The following SMG6 variants were observed in gnomAD, a reference collection of about 807,000 sequenced individuals.
SMG6 encodes telomerase-binding protein EST1A.
A neutral mutation model predicts 142.2 loss-of-function variants in SMG6; 66 were observed. That is an observed-to-expected ratio of 0.46 (90% CI 0.38 to 0.57). The LOEUF (loss-of-function observed/expected upper bound fraction) is 0.57. Ranked by LOEUF, SMG6 falls within the 20% of genes least tolerant of loss-of-function variation. The pLI is 0.00. For missense variants in SMG6, 1,793 were observed against 1,832.0 expected (o/e 0.98, Z 0.39); for synonymous variants, 779 against 702.4 (o/e 1.11, Z -1.72).
intron 13 of SMG6, among the ~76,000 whole-genome samples, chr17:2,122,891 G>A (rs2069748293): frequency 6.6e-6 from 1 of 152,226 alleles, no homozygotes; most frequent in East Asian, 1.9e-4. Flanking sequence ...AGCACAGAGG[G>A]GCCCCTTCCT....
chr17:2,062,245 G>A (rs980089915), intron 18 of SMG6: 4 of 152,434 alleles, frequency 2.6e-5, no homozygotes, highest in African/African-American at 9.7e-5. Flanking sequence ...CATGTATACA[G>A]GCGAAAGTCT....
At chr17:2,233,142 C>G (rs2073547395) in intron 10 of SMG6, 1 of 152,288 alleles carries the variant, frequency 6.6e-6, no homozygotes, top group Non-Finnish European at 1.5e-5. Flanking sequence ...AGAAAGGAAT[C>G]TGCTCCCCTG....
intron 8 of SMG6, among the ~76,000 whole-genome samples, chr17:2,245,767 A>C (rs1390938623): frequency 6.6e-6 from 1 of 151,948 alleles, no homozygotes; most frequent in Non-Finnish European, 1.5e-5. Flanking sequence ...TGCAACCTCA[A>C]CCTCCTGGGC....
chr17:2,288,908 T>C (rs2074968758), intron 6 of SMG6, among the ~76,000 whole-genome samples: 1 of 151,224 alleles, frequency 6.6e-6, no homozygotes, highest in Non-Finnish European at 1.5e-5. Flanking sequence ...TGAAACCCCG[T>C]CTCTACTAAA....
chr17:2,096,372 C>T (rs978298701), intron 13 of SMG6, among the ~76,000 whole-genome samples: 1 of 152,210 alleles, frequency 6.6e-6, no homozygotes, highest in Non-Finnish European at 1.5e-5. Flanking sequence ...CCATGCCCGG[C>T]TAATTTTCAT....
Position 2,085,683 on chromosome 17 carries a change from G to A in SMG6, c.3534+42C>T. 1 of 1,573,384 alleles carries A rather than the reference G, an allele frequency of 6.4e-7. No homozygotes were observed. On this transcript the variant is annotated intron_variant, in intron 14 of 18. Coordinates refer to ENST00000263073, the MANE Select transcript of SMG6 (RefSeq NM_017575.5). This position sits in a 1 kb window ranked among gnomAD's most constrained non-coding sequence, Gnocchi z 4.1. ...CTGAAGCCACGAGCAGAATGGGGAG[G>A]GGGCCTTCCCTCTGCCACAGCGGGC...
chr17:2,100,037 CTT>C (rs150310662), intron 13 of SMG6, among the ~76,000 whole-genome samples: 24 of 134,852 alleles, frequency 1.8e-4, no homozygotes, highest in African/African-American at 2.5e-4. Context: ...TAATTTTTAT[CTT>C]TTTTTTTTTT....
chr17:2,163,866 C>A (rs1416497571), intron 13 of SMG6, among the ~76,000 whole-genome samples: 7 of 152,084 alleles, frequency 4.6e-5, no homozygotes, highest in Non-Finnish European at 7.4e-5. Context: ...AGTTCGCGAC[C>A]AGCCTGGGCA....
chr17:2,087,284 C>T (rs1354348260), intron 13 of SMG6: 1 of 1,271,494 alleles, frequency 7.9e-7, no homozygotes, highest in African/African-American at 1.5e-5. Context: ...ATGAAGCAGG[C>T]ATGACCCATG....
intron 13 of SMG6, among the ~76,000 whole-genome samples, chr17:2,129,302 A>G (rs768015700): frequency 9.2e-5 from 14 of 151,968 alleles, no homozygotes; most frequent in Non-Finnish European, 1.6e-4. Context: ...CAGCCTGGGC[A>G]ATGGGAATAA....
At chr17:2,292,508 T>C in intron 6 of SMG6, 44 bp downstream of exon 6, 1 of 1,574,174 alleles carries the variant, frequency 6.4e-7, no homozygotes, top group Non-Finnish European at 8.7e-7. Context: ...TATTGTAAGA[T>C]ACTTCCTGCA....
At chr17:2,279,991 G>A (rs536546753) in intron 8 of SMG6, among the ~76,000 whole-genome samples, 38 of 152,140 alleles carry the variant, frequency 2.5e-4, no homozygotes, top group Non-Finnish European at 2.8e-4. Context: ...CTTACCACAC[G>A]GAACTATAAT....
Position 2,256,776 on chromosome 17 carries a change from A to T in SMG6, c.2662-12057T>A, listed in dbSNP as rs191416279. Among the ~76,000 whole-genome samples the T allele has an allele frequency of 2.5e-3, 247 of 97,644 alleles. 1 individual carries two copies. The East Asian group carries it at 0.051, about 20-fold the overall frequency. 64.1% of individuals were successfully genotyped at this position (97,644 alleles called of 152,430 possible). On this transcript the variant is annotated intron_variant, in intron 8 of 18. Transcript: ENST00000263073. ...GGAGACACAGTGAGACTTAATTTTT[A>T]AAAAAAATAGATAGACAGATTTGAT...
At chr17:2,203,787 C>T (rs182309753) in intron 10 of SMG6, among the ~76,000 whole-genome samples, 1 of 152,268 alleles carries the variant, frequency 6.6e-6, no homozygotes, top group Non-Finnish European at 1.5e-5. Context: ...TGAAACCCAC[C>T]TCTGCTGGCG....
At chr17:2,267,461 G>A (rs941754158) in intron 8 of SMG6, among the ~76,000 whole-genome samples, 1 of 151,808 alleles carries the variant, frequency 6.6e-6, no homozygotes, top group Non-Finnish European at 1.5e-5. Context: ...GCCTCCCAAT[G>A]TGCCGGGATT....
intron 13 of SMG6, among the ~76,000 whole-genome samples, chr17:2,167,068 G>GGT (rs1414702821): frequency 6.9e-6 from 1 of 145,262 alleles, no homozygotes; most frequent in Non-Finnish European, 1.5e-5. Context: ...AGGCAGAGGG[G>GGT]GTGCAGTGAG....
chr17:2,244,827 G>T, intron 8 of SMG6, 108 bp from the exon 9 acceptor site: 1 of 901,544 alleles, frequency 1.1e-6, no homozygotes, highest in Admixed American at 2.0e-5. Context: ...TAAGGGGTGG[G>T]CACTAGGGAT....
intron 6 of SMG6, 94 bp downstream of exon 6, chr17:2,292,458 G>A (rs755257779): frequency 9.8e-6 from 12 of 1,228,204 alleles, no homozygotes; most frequent in Non-Finnish European, 1.4e-5. Flanking sequence ...ACAGTGATGA[G>A]ATGAAATGAA....
chr17:2,284,624 G>A (rs755729175), intron 6 of SMG6, among the ~76,000 whole-genome samples: 2 of 152,130 alleles, frequency 1.3e-5, no homozygotes, highest in Admixed American at 6.6e-5. Context: ...TCTCTCCCCA[G>A]CGTCTACCCA....
Sources: allele counts gnomAD v4.1 joint callset (sites outside exome capture counted in the v4.1 genomes callset), GRCh38; gene constraint gnomAD v4.1.1; non-coding constraint Gnocchi (gnomAD v3.1); transcripts MANE v1.5; gene names NCBI Gene and HGNC (gene_info 2026-07-23, HGNC 2026-07-21).